Variants in FOXRED2 observed in about 807,000 individuals in gnomAD.
FOXRED2 encodes FAD-dependent oxidoreductase domain-containing protein 2.
Under a neutral mutation model 52.5 loss-of-function variants are expected in FOXRED2, and 32 were observed. The ratio of observed to expected loss-of-function variants is 0.61; its 90% confidence interval spans 0.46 to 0.82. FOXRED2 has a LOEUF of 0.82. Ranked by LOEUF, FOXRED2 falls within the 40% of genes least tolerant of loss-of-function variation. FOXRED2 has a pLI of 0.00. For missense variants in FOXRED2, 848 were observed against 937.5 expected (o/e 0.90, Z 1.25); for synonymous variants, 405 against 398.1 (o/e 1.02, Z -0.21).
intron 6 of FOXRED2, among the ~76,000 whole-genome samples, chr22:36,497,481 T>C (rs978587837): frequency 6.6e-6 from 1 of 152,172 alleles, no homozygotes; most frequent in Non-Finnish European, 1.5e-5. Flanking sequence ...TGACTGAAGG[T>C]TGCTCCCTTG....
rs1208805233 is a variant in FOXRED2, at chr22:36,498,071, G to A, written c.1302C>T (p.Ser434=). ...ATELPITQLT[S]SIVRRVNEAS... is the part of the protein sequence containing the mutation. ...CCTCATTCACGCGCCGCACGATGGA[G>A]CTGGTCAGCTGTGTGATGGGGAGCT... The change falls in exon 6 of 9, where the codon AGC becomes AGT. Residue 434 remains serine (S), a synonymous_variant. Coordinates refer to ENST00000397224, the MANE Select transcript of FOXRED2 (RefSeq NM_001102371.2). 3.1e-6 allele frequency: 5 copies of A among 1,614,000 alleles called. No individual in the cohort carries two copies. In the East Asian group the frequency reaches 6.7e-5, roughly 22 times the overall value.
In FOXRED2 at chr22:36,501,365, G is replaced by A. The variant is rs376638773; in HGVS notation, c.1092C>T (p.Tyr364=). Residue 364 remains tyrosine (Y), a synonymous_variant, in exon 5 of 9, where the codon TAC becomes TAT. Coordinates refer to ENST00000397224, the MANE Select transcript of FOXRED2 (RefSeq NM_001102371.2). The part of the protein sequence containing the change: ...LNSGNAFGKK[Y]PLIRASYESK... ...ATTCGTAGCTAGCTCGAATCAGCGG[G>A]TACTTCTTGCCGAATGCATTTCCCG... 1 of 1,614,166 alleles carries A rather than the reference G, an allele frequency of 6.2e-7. No individual in the cohort carries two copies. Among genetic ancestry groups the A allele is most frequent in the Non-Finnish European group, 8.5e-7 (1 of 1,180,034 alleles).
chr22:36,495,964 C>T lies in FOXRED2; in HGVS notation c.1624+3G>A, dbSNP rs377094895. The T allele has an allele frequency of 6.2e-7, 1 of 1,613,180 alleles. No homozygotes were observed. Among genetic ancestry groups the T allele is most frequent in the Middle Eastern group, 1.6e-4 (1 of 6,062 alleles). On this transcript the variant is annotated splice_donor_region_variant and intron_variant, in intron 7 of 8. Transcript: ENST00000397224. ...GGTTGGGGAAGGGCAGAGACCTGCT[C>T]ACCGGTGGGGAGGTATCTATAGTAG...
rs1429982533 is a variant in FOXRED2 at position 36,498,339 on chromosome 22, G to C, written c.1217-183C>G. On this transcript the variant is annotated intron_variant, in intron 5 of 8. Coordinates refer to ENST00000397224, the MANE Select transcript of FOXRED2 (RefSeq NM_001102371.2). Reference sequence around the variant, plus strand: ...AGATGGCAGCTGCCTTTAGAGCAGGGCCAGCAGGTATTTTCTGGAAAGGGC... The same window carrying C: ...AGATGGCAGCTGCCTTTAGAGCAGGCCCAGCAGGTATTTTCTGGAAAGGGC... The C allele has an allele frequency of 1.6e-5, 10 of 621,914 alleles. No homozygotes were observed. In the Admixed American group the frequency reaches 3.1e-4, roughly 19 times the overall value. 38.5% of individuals were successfully genotyped at this position (621,914 alleles called of 1,614,324 possible). A position where few individuals can be genotyped will look rare whatever the true frequency, so the allele number is the denominator to read the frequency against.
At position 36,489,998 on chromosome 22, in the gene FOXRED2, G is replaced by A; in HGVS notation, c.*10C>T. The A allele has an allele frequency of 6.4e-7, 1 of 1,557,762 alleles. No homozygotes were observed. The highest frequency in any genetic ancestry group is 2.3e-5 in the East Asian group (1 of 44,160). On this transcript the variant is annotated 3_prime_UTR_variant, in exon 9 of 9. Coordinates refer to ENST00000397224, the MANE Select transcript of FOXRED2 (RefSeq NM_001102371.2). ...CCTGGCCACTGTGCCCACAGCTTAGGAAGGGACAGTCAGAGCTCCTCTTTG... is the reference window on the plus strand; with the variant it reads ...CCTGGCCACTGTGCCCACAGCTTAGAAAGGGACAGTCAGAGCTCCTCTTTG...
intron 2 of FOXRED2, 144 bp downstream of exon 2, chr22:36,505,750 GAC>G (rs1017334933): frequency 1.1e-6 from 1 of 888,076 alleles, no homozygotes; most frequent in African/African-American, 1.7e-5. Context: ...CAGCCTGGGC[GAC>G]AGAGTGAGAC....
At chr22:36,496,921 C>T (rs764556602) in intron 6 of FOXRED2, among the ~76,000 whole-genome samples, 15 of 152,156 alleles carry the variant, frequency 9.9e-5, no homozygotes, top group Non-Finnish European at 1.9e-4. Context: ...TGACTCACGC[C>T]TGTAATCTCA....
intron 6 of FOXRED2, among the ~76,000 whole-genome samples, chr22:36,497,377 C>T (rs1933928449): frequency 6.6e-6 from 1 of 152,056 alleles, no homozygotes. Context: ...GAGGGTGATG[C>T]GAGGGTTTTG....
chr22:36,492,149 C>T (rs542784513), intron 8 of FOXRED2, among the ~76,000 whole-genome samples: 30 of 152,230 alleles, frequency 2.0e-4, no homozygotes, highest in African/African-American at 4.6e-4. Flanking sequence ...CCTCTCCAAG[C>T]GGGTAAGAGA....
intron 1 of FOXRED2, 149 bp from the exon 2 acceptor site, chr22:36,506,572 A>C: frequency 2.8e-6 from 2 of 715,624 alleles, no homozygotes; most frequent in Non-Finnish European, 4.2e-6. Context: ...ATTTGCCCGG[A>C]CTCCACCGTT....
chr22:36,503,852 G>A (rs991448584), intron 4 of FOXRED2, among the ~76,000 whole-genome samples: 3 of 152,182 alleles, frequency 2.0e-5, no homozygotes, highest in Non-Finnish European at 4.4e-5. Context: ...CAACTCACAG[G>A]TGGAGGCTCC....
rs778518486 is a variant in FOXRED2 at position 36,506,172 on chromosome 22, C to A, written c.251G>T (p.Arg84Leu). The change falls in exon 2 of 9, where the codon CGG becomes CTG. Residue 84 changes from arginine (R) to leucine (L), a missense_variant. Arg to Leu is a moderately radical substitution (Grantham distance 102, BLOSUM62 -2). Coordinates refer to ENST00000397224, the MANE Select transcript of FOXRED2 (RefSeq NM_001102371.2). Reference sequence around the variant, plus strand: ...CTCGGCGTTAGCCTTGCCCGTGTACCGCTTGTTGATGCTGATGAGCTTGCG... The same window carrying A: ...CTCGGCGTTAGCCTTGCCCGTGTACAGCTTGTTGATGCTGATGAGCTTGCG... ...RHRKLISINK[R>L]YTGKANAEFN... 1 of 1,614,230 alleles carries A rather than the reference C, an allele frequency of 6.2e-7. No individual in the cohort carries two copies. Among genetic ancestry groups the A allele is most frequent in the Non-Finnish European group, 8.5e-7 (1 of 1,180,034 alleles).
At chr22:36,505,770 TAA>T (rs373218799) in intron 2 of FOXRED2, 124 bp downstream of exon 2, 4,505 of 881,436 alleles carry the variant, frequency 5.1e-3, no homozygotes, top group Non-Finnish European at 6.1e-3. Flanking sequence ...GACTCCGTCT[TAA>T]AAAAAAAAAA....
At chr22:36,495,683 G>A (rs1333392269) in intron 7 of FOXRED2, among the ~76,000 whole-genome samples, 3 of 152,200 alleles carry the variant, frequency 2.0e-5, no homozygotes, top group African/African-American at 4.8e-5. Flanking sequence ...ACAGTCAGCC[G>A]CCTCTGGAGA....
chr22:36,493,838 G>A (rs1603492992), intron 7 of FOXRED2, 35 bp from the exon 8 acceptor site: 1 of 1,600,346 alleles, frequency 6.2e-7, no homozygotes, highest in Non-Finnish European at 8.5e-7. Flanking sequence ...TGTCAGAGCT[G>A]TGAGGCTGGG....
intron 8 of FOXRED2, among the ~76,000 whole-genome samples, chr22:36,491,371 G>A (rs931375617): frequency 6.6e-6 from 1 of 152,104 alleles, no homozygotes; most frequent in Non-Finnish European, 1.5e-5. Flanking sequence ...GGGCTGCTGG[G>A]AGGTGACTGC....
Position 36,506,051 on chromosome 22 carries a change from G to A in FOXRED2, c.372C>T (p.Asp124=), listed in dbSNP as rs751779596. The A allele has an allele frequency of 1.2e-5, 19 of 1,614,142 alleles. No homozygotes were observed. The highest frequency in any genetic ancestry group is 1.7e-5 in the Admixed American group (1 of 60,018). ...YSRAYFPDAR[D]MVRYLGDFAD... is the part of the protein sequence containing the mutation. ...CGAAGTCACCCAGGTAGCGCACCAT[G>A]TCGCGGGCGTCGGGGAAGTAGGCAC... The change falls in exon 2 of 9, where the codon GAC becomes GAT. Residue 124 remains aspartate, a synonymous_variant. Transcript: ENST00000397224.
rs199638028 is a variant in FOXRED2 at position 36,505,984 on chromosome 22, C to T, written c.439G>A (p.Ala147Thr). Residue 147 changes from alanine (A) to threonine (T), a missense_variant, in exon 2 of 9, where the codon GCC becomes ACC. By Grantham distance (58) the Ala-to-Thr change is moderately conservative (BLOSUM62 0). Coordinates refer to ENST00000397224, the MANE Select transcript of FOXRED2 (RefSeq NM_001102371.2). ...GLRVQYNTTI[A>T]HVTLDKDRQA... ...CGGTCCTTGTCCAGAGTGACGTGGG[C>T]GATGGTGGTGTTGTACTGGACACGG... The T allele has an allele frequency of 4.8e-5, 77 of 1,614,072 alleles. No homozygotes were observed. Among genetic ancestry groups the T allele is most frequent in the Non-Finnish European group, 5.9e-5 (70 of 1,180,042 alleles).
At chr22:36,501,558 T>C in intron 4 of FOXRED2, 151 bp from the exon 5 acceptor site, 1 of 711,410 alleles carries the variant, frequency 1.4e-6, no homozygotes. Flanking sequence ...CCTCCTGGGT[T>C]CAAACTATTA....
Sources: allele counts gnomAD v4.1 joint callset (sites outside exome capture counted in the v4.1 genomes callset), GRCh38; gene constraint gnomAD v4.1.1; transcripts MANE v1.5; gene names NCBI Gene and HGNC (gene_info 2026-07-23, HGNC 2026-07-21).